The following PLPP4 variants were observed in gnomAD, a reference collection of about 807,000 sequenced individuals.
The protein encoded by PLPP4 is phospholipid phosphatase 4, also known as diacylglycerol pyrophosphate like 2.
Under a neutral mutation model 32.2 loss-of-function variants are expected in PLPP4, and 20 were observed. That is an observed-to-expected ratio of 0.62 (90% confidence interval 0.44 to 0.90). PLPP4 has a LOEUF of 0.90. Among genes scored for constraint, PLPP4 ranks in the 40% least tolerant of loss-of-function variants. The probability of loss-of-function intolerance (pLI) is 0.00; values close to 1 mark genes in which losing one functional copy is unlikely to be tolerated. For missense variants in PLPP4, 257 were observed against 353.1 expected (o/e 0.73, Z 2.18); for synonymous variants, 127 against 133.0 (o/e 0.95, Z 0.31).
chr10:120,538,179 A>T (rs1030978303), intron 5 of PLPP4, among the ~76,000 whole-genome samples: 4 of 148,068 alleles, frequency 2.7e-5, no homozygotes, highest in African/African-American at 1.0e-4. Context: ...AGTCATTCCC[A>T]TGGGGGCCTC....
In PLPP4 at chr10:120,591,385, C is replaced by G. The variant is rs1172900402; in HGVS notation, c.*1883C>G. 1.3e-5 allele frequency among the ~76,000 whole-genome samples: 2 copies of G among 152,058 alleles called. No individual in the cohort carries two copies. The highest frequency in any genetic ancestry group is 4.8e-5 in the African/African-American group (2 of 41,382). ...AATTGACTTTCATCCAAAGTCAAGC[C>G]ATTGATTTTTTAAAAATTATAGCAG... On this transcript the variant is annotated 3_prime_UTR_variant, in exon 7 of 7. Transcript: ENST00000398250.
At chr10:120,473,773 C>G (rs903198392) in intron 1 of PLPP4, among the ~76,000 whole-genome samples, 2 of 152,080 alleles carry the variant, frequency 1.3e-5, no homozygotes, top group Non-Finnish European at 2.9e-5. Context: ...CCCCTTCACT[C>G]TCTCTCTCCC....
chr10:120,514,154 C>T (rs544365430), intron 3 of PLPP4, among the ~76,000 whole-genome samples, 153 bp downstream of exon 3: 1 of 152,216 alleles, frequency 6.6e-6, no homozygotes, highest in African/African-American at 2.4e-5. Context: ...ACTTTAAGCC[C>T]AAAGAAGAGC....
At chr10:120,560,487 G>C (rs538158768) in intron 5 of PLPP4, among the ~76,000 whole-genome samples, 2 of 152,344 alleles carry the variant, frequency 1.3e-5, no homozygotes, top group Admixed American at 6.5e-5. Context: ...GGGCGCAGTG[G>C]CTCACGCCTG....
chr10:120,575,039 G>T (rs564869523), intron 5 of PLPP4, 92 bp from the exon 6 acceptor site: 18 of 1,359,248 alleles, frequency 1.3e-5, no homozygotes, highest in Non-Finnish European at 5.1e-6. Flanking sequence ...GGCCTTGGGG[G>T]TGTGCAAGAC....
intron 6 of PLPP4, among the ~76,000 whole-genome samples, chr10:120,584,060 CTTTCTTAAAAGATGGGTCTATCTTCAG>C (rs2134080326): frequency 6.6e-6 from 1 of 152,320 alleles, no homozygotes; most frequent in Admixed American, 6.5e-5. Flanking sequence ...GACACTACCC[CTTTCTTAAAAGATGGGTCTATCTTCAG>C]TTTCTCAGAT....
intron 6 of PLPP4, among the ~76,000 whole-genome samples, chr10:120,583,276 C>T (rs1020750447): frequency 1.3e-5 from 2 of 151,842 alleles, no homozygotes; most frequent in Non-Finnish European, 2.9e-5. Flanking sequence ...TATGGCAGAA[C>T]TCATAAGGTC....
chr10:120,488,479 G>A (rs540419127), intron 1 of PLPP4, among the ~76,000 whole-genome samples: 15 of 152,184 alleles, frequency 9.9e-5, no homozygotes, highest in African/African-American at 1.9e-4. Context: ...TTCAGAATTC[G>A]TGCTTTTCAT....
At chr10:120,543,935 T>C (rs1360288794) in intron 5 of PLPP4, among the ~76,000 whole-genome samples, 1 of 152,250 alleles carries the variant, frequency 6.6e-6, no homozygotes, top group Non-Finnish European at 1.5e-5. Context: ...TTGTAGCATA[T>C]CTCAGAATTT....
chr10:120,498,612 A>G (rs1182475958), intron 1 of PLPP4, among the ~76,000 whole-genome samples: 4 of 151,666 alleles, frequency 2.6e-5, no homozygotes, highest in African/African-American at 9.7e-5. Context: ...TTCAGTACAG[A>G]GGGCCCTGAG....
chr10:120,502,203 C>T (rs529011988), intron 1 of PLPP4, among the ~76,000 whole-genome samples: 140 of 152,320 alleles, frequency 9.2e-4, no homozygotes, highest in African/African-American at 3.3e-3. Flanking sequence ...CAAATAGCTA[C>T]AAGCGATGCC....
intron 5 of PLPP4, among the ~76,000 whole-genome samples, chr10:120,535,949 C>T (rs914861348): frequency 2.6e-5 from 4 of 152,052 alleles, no homozygotes; most frequent in East Asian, 1.9e-4. Context: ...TCATTCAAGA[C>T]ATTTCAAAAA....
At chr10:120,485,618 T>A (rs966326053) in intron 1 of PLPP4, among the ~76,000 whole-genome samples, 2 of 152,252 alleles carry the variant, frequency 1.3e-5, no homozygotes, top group Admixed American at 6.5e-5. Context: ...TGGTTTTTGA[T>A]GCTGGATACT....
chr10:120,530,416 A>G (rs1846649248), intron 5 of PLPP4, among the ~76,000 whole-genome samples: 1 of 152,090 alleles, frequency 6.6e-6, no homozygotes, highest in Admixed American at 6.5e-5. Context: ...GTCATATAGT[A>G]TGTGCTCTTT....
At chr10:120,529,525 T>G (rs935263147) in intron 5 of PLPP4, among the ~76,000 whole-genome samples, 1 of 151,972 alleles carries the variant, frequency 6.6e-6, no homozygotes, top group Admixed American at 6.6e-5. Flanking sequence ...GAAAAAAAGA[T>G]CAGAGTCAGA....
intron 6 of PLPP4, chr10:120,581,275 T>G (rs1489077600): frequency 2.0e-6 from 2 of 985,292 alleles, no homozygotes; most frequent in Admixed American, 1.2e-4. Flanking sequence ...TTCTGTGGTG[T>G]TCTGTGGTTC....
chr10:120,542,550 G>T (rs1013102296), intron 5 of PLPP4, among the ~76,000 whole-genome samples: 2 of 152,140 alleles, frequency 1.3e-5, no homozygotes, highest in Non-Finnish European at 2.9e-5. Context: ...AATTGCACAG[G>T]CTTGGCCATG....
intron 2 of PLPP4, among the ~76,000 whole-genome samples, chr10:120,511,313 C>A (rs145252549): frequency 4.6e-5 from 7 of 152,266 alleles, no homozygotes; most frequent in Non-Finnish European, 8.8e-5. Context: ...GCGCCTCCCA[C>A]CTGGCACCCA....
intron 5 of PLPP4, among the ~76,000 whole-genome samples, chr10:120,557,882 T>TTTC (rs1451316619): frequency 6.6e-6 from 1 of 152,232 alleles, no homozygotes; most frequent in African/African-American, 2.4e-5. Flanking sequence ...TCACTAGCTC[T>TTTC]TTCTGCATTT....
Sources: allele counts gnomAD v4.1 joint callset (sites outside exome capture counted in the v4.1 genomes callset), GRCh38; gene constraint gnomAD v4.1.1; transcripts MANE v1.5; gene names NCBI Gene and HGNC (gene_info 2026-07-23, HGNC 2026-07-21).